Variants in MOB3B observed in about 807,000 individuals in gnomAD.
MOB3B encodes MOB kinase activator-like 2B.
A neutral mutation model predicts 18.7 loss-of-function variants in MOB3B; 7 were observed. The observed-to-expected ratio is 0.37, with a 90% CI of 0.21 to 0.70. The LOEUF (loss-of-function observed/expected upper bound fraction) is 0.70. Ranked by LOEUF, MOB3B falls within the 30% of genes least tolerant of loss-of-function variation. The pLI is 0.52. For synonymous variants in MOB3B, 111 were observed against 99.9 expected (o/e 1.11, Z -0.66); for missense variants, 253 against 281.3 (o/e 0.90, Z 0.72).
intron 2 of MOB3B, among the ~76,000 whole-genome samples, chr9:27,364,249 T>C (rs765352256): frequency 6.6e-6 from 1 of 152,178 alleles, no homozygotes; most frequent in African/African-American, 2.4e-5. Flanking sequence ...GTGTTCTACA[T>C]GGCACAAGTG....
intron 2 of MOB3B, among the ~76,000 whole-genome samples, chr9:27,403,723 C>T (rs373837348): frequency 1.1e-4 from 17 of 151,954 alleles, no homozygotes; most frequent in African/African-American, 3.9e-4. Context: ...TTGTGATCCA[C>T]CCGCCTCGGC....
intron 3 of MOB3B, among the ~76,000 whole-genome samples, chr9:27,351,832 T>C (rs1821108917): frequency 6.6e-6 from 1 of 152,222 alleles, no homozygotes; most frequent in Non-Finnish European, 1.5e-5. Context: ...CAGTGTATTC[T>C]GGGGCCTGGA....
At position 27,327,099 on chromosome 9, in the gene MOB3B, C is replaced by G. The variant is rs1820723994; in HGVS notation, c.*3488G>C. The G allele has an allele frequency of 6.6e-6, 1 of 152,314 alleles. No homozygotes were observed. The highest frequency in any genetic ancestry group is 2.1e-4 in the South Asian group (1 of 4,838). The allele number at this position is 152,314 out of a possible 1,614,324, so 9.4% of individuals were successfully genotyped here. ...CTCACGTATTGCCTGCACATGGAAACTTCCTTCTTCCCCTCCCTCCTGTTA... is the reference window on the plus strand; with the variant it reads ...CTCACGTATTGCCTGCACATGGAAAGTTCCTTCTTCCCCTCCCTCCTGTTA... On this transcript the variant is annotated 3_prime_UTR_variant, in exon 4 of 4. Coordinates refer to ENST00000262244, the MANE Select transcript of MOB3B (RefSeq NM_024761.5).
chr9:27,461,732 G>A (rs1160489071), intron 1 of MOB3B, among the ~76,000 whole-genome samples: 1 of 152,188 alleles, frequency 6.6e-6, no homozygotes, highest in African/African-American at 2.4e-5. Context: ...CATCAAATGT[G>A]TAAGTAAATA....
intron 2 of MOB3B, among the ~76,000 whole-genome samples, chr9:27,422,694 T>G (rs1822272579): frequency 6.6e-6 from 1 of 152,226 alleles, no homozygotes; most frequent in Admixed American, 6.5e-5. Flanking sequence ...AAAAAAATTG[T>G]ATCTGGAAGA....
intron 2 of MOB3B, among the ~76,000 whole-genome samples, chr9:27,405,405 C>T (rs1193739981): frequency 6.6e-6 from 1 of 152,118 alleles, no homozygotes; most frequent in Non-Finnish European, 1.5e-5. Context: ...CACGCCCAAC[C>T]TGTCCATTTT....
At chr9:27,363,131 A>G (rs2131359760) in intron 2 of MOB3B, among the ~76,000 whole-genome samples, 1 of 152,364 alleles carries the variant, frequency 6.6e-6, no homozygotes, top group Admixed American at 6.5e-5. Context: ...ATGGTGCTGC[A>G]AAGAAGTATC....
At chr9:27,439,273 T>C (rs989718618) in intron 2 of MOB3B, among the ~76,000 whole-genome samples, 15 of 152,322 alleles carry the variant, frequency 9.8e-5, no homozygotes, top group Admixed American at 4.6e-4. Flanking sequence ...CATTGAATTA[T>C]ATTGGTCTGC....
At chr9:27,494,259 G>T (rs996306212) in intron 1 of MOB3B, among the ~76,000 whole-genome samples, 1 of 152,138 alleles carries the variant, frequency 6.6e-6, no homozygotes, top group Non-Finnish European at 1.5e-5. Flanking sequence ...TGGTCCTGTG[G>T]TCCTATGATC....
intron 2 of MOB3B, among the ~76,000 whole-genome samples, chr9:27,418,841 G>A (rs750654835): frequency 1.5e-4 from 23 of 151,966 alleles, no homozygotes; most frequent in African/African-American, 4.3e-4. Context: ...CATCCAAATC[G>A]GTAAAGAAGA....
intron 3 of MOB3B, among the ~76,000 whole-genome samples, chr9:27,335,333 C>T (rs943716195): frequency 1.3e-5 from 2 of 152,188 alleles, no homozygotes; most frequent in Non-Finnish European, 2.9e-5. Context: ...GCAACTCAGA[C>T]CATCGGAAAG....
intron 1 of MOB3B, among the ~76,000 whole-genome samples, chr9:27,466,283 A>G (rs1429670054): frequency 1.3e-5 from 2 of 152,202 alleles, no homozygotes; most frequent in Non-Finnish European, 2.9e-5. Flanking sequence ...ATATAACAAG[A>G]GTCACCTTTG....
intron 3 of MOB3B, among the ~76,000 whole-genome samples, chr9:27,346,639 A>T (rs911221402): frequency 1.3e-5 from 2 of 152,242 alleles, no homozygotes; most frequent in Non-Finnish European, 2.9e-5. Flanking sequence ...AAGTTCTTCT[A>T]TATGAAAATA....
intron 1 of MOB3B, among the ~76,000 whole-genome samples, chr9:27,464,007 A>G (rs2131459577): frequency 6.6e-6 from 1 of 152,312 alleles, no homozygotes; most frequent in East Asian, 1.9e-4. Flanking sequence ...AATGGTGCTT[A>G]CCTTTATTGT....
chr9:27,438,003 G>T (rs146948360), intron 2 of MOB3B, among the ~76,000 whole-genome samples: 2 of 152,282 alleles, frequency 1.3e-5, no homozygotes, highest in Non-Finnish European at 2.9e-5. Context: ...TCTTGTTAAG[G>T]CTTCCCATGC....
intron 2 of MOB3B, among the ~76,000 whole-genome samples, chr9:27,370,327 GGA>G (rs1009004082): frequency 6.6e-6 from 1 of 152,064 alleles, no homozygotes; most frequent in African/African-American, 2.4e-5. Context: ...TGACCAACAT[GGA>G]GAAACCCCGT....
chr9:27,386,396 C>A lies in MOB3B; in HGVS notation c.419-27160G>T, dbSNP rs577770016. On this transcript the variant is annotated intron_variant, in intron 2 of 3. Transcript: ENST00000262244. ...GGAAATGTTCAGTAACAGCAACAAC[C>A]CATTTGACAGTCTTGGTCTGGGAGT... Among the ~76,000 whole-genome samples the A allele has an allele frequency of 4.6e-5, 7 of 152,276 alleles. No individual in the cohort carries two copies. In the South Asian group the frequency reaches 1.2e-3, roughly 27 times the overall value.
chr9:27,480,252 T>C (rs918064244), intron 1 of MOB3B, among the ~76,000 whole-genome samples: 1 of 151,212 alleles, frequency 6.6e-6, no homozygotes, highest in Admixed American at 6.6e-5. Context: ...GCCTCCTGCC[T>C]CAGTCTCTCA....
At chr9:27,376,904 A>G (rs1821497584) in intron 2 of MOB3B, among the ~76,000 whole-genome samples, 1 of 152,238 alleles carries the variant, frequency 6.6e-6, no homozygotes, top group South Asian at 2.1e-4. Context: ...TTCCTGGCTC[A>G]AGGATCTAGC....
Sources: gnomAD v4.1 joint callset for allele counts (sites outside exome capture counted in the v4.1 genomes callset) on GRCh38, gnomAD v4.1.1 for gene constraint, MANE v1.5 for transcripts, NCBI Gene and HGNC (gene_info 2026-07-23, HGNC 2026-07-21) for gene names.